Variants in DOCK1 observed in about 807,000 individuals in gnomAD.
DOCK1 encodes the protein dedicator of cytokinesis 1, also known as dedicator of cytokinesis protein 1.
DOCK1 carries 138 observed loss-of-function variants against 262.7 expected under a neutral mutation model. The ratio of observed to expected loss-of-function variants is 0.53; its 90% confidence interval spans 0.46 to 0.61. The LOEUF (loss-of-function observed/expected upper bound fraction) is 0.61. Ranked by LOEUF, DOCK1 falls within the 20% of genes least tolerant of loss-of-function variation. DOCK1 has a pLI of 0.00. For synonymous variants in DOCK1, 866 were observed against 867.4 expected (o/e 1.00, Z 0.03); for missense variants, 1,908 against 2,370.7 (o/e 0.80, Z 4.05).
rs149455358 is a variant in DOCK1 at position 127,234,614 on chromosome 10, T to A, written c.2848-13394T>A. On this transcript the variant is annotated intron_variant, in intron 27 of 51. Transcript: ENST00000623213. ...AAATTCAATGGAATTCCAATTTGAA[T>A]CCCAATAGGACCTTGTTTCAGACTC... is the stretch of plus-strand genomic sequence containing the variant. Among the ~76,000 whole-genome samples the A allele has an allele frequency of 3.9e-4, 60 of 152,180 alleles. No individual in the cohort carries two copies. The South Asian group carries it at 0.011, about 27-fold the overall frequency.
At chr10:127,214,619 G>T (rs1274775283) in intron 27 of DOCK1, among the ~76,000 whole-genome samples, 1 of 152,174 alleles carries the variant, frequency 6.6e-6, no homozygotes, top group Non-Finnish European at 1.5e-5. Context: ...GCCAGTGTTT[G>T]CTATTAGGAC....
chr10:127,062,195 T>G (rs1197670098), intron 23 of DOCK1, among the ~76,000 whole-genome samples: 1 of 152,170 alleles, frequency 6.6e-6, no homozygotes, highest in African/African-American at 2.4e-5. Flanking sequence ...CACCTCAGCC[T>G]CCCAAAGTGC....
chr10:127,223,882 G>A (rs2058535034), intron 27 of DOCK1, among the ~76,000 whole-genome samples: 1 of 152,160 alleles, frequency 6.6e-6, no homozygotes, highest in African/African-American at 2.4e-5. Flanking sequence ...GCTCAGGGTG[G>A]AGCTTGGTTA....
chr10:127,393,429 G>T (rs1253348295), intron 38 of DOCK1, among the ~76,000 whole-genome samples: 1 of 152,158 alleles, frequency 6.6e-6, no homozygotes, highest in Non-Finnish European at 1.5e-5. Flanking sequence ...CTCATTCACT[G>T]TTTGAAATGT....
intron 12 of DOCK1, among the ~76,000 whole-genome samples, chr10:127,016,759 AT>A (rs1446524678): frequency 6.6e-6 from 1 of 151,008 alleles, no homozygotes; most frequent in Non-Finnish European, 1.5e-5. Context: ...TAACACAGAT[AT>A]AAACACCACA....
At chr10:127,262,173 GGTGT>G (rs200011342) in intron 29 of DOCK1, among the ~76,000 whole-genome samples, 7 of 72,582 alleles carry the variant, frequency 9.6e-5, no homozygotes, top group African/African-American at 1.7e-4. Flanking sequence ...TGTGCATGTG[GGTGT>G]GTGTGTGTGT....
At chr10:127,367,293 A>T (rs2064973899) in intron 33 of DOCK1, among the ~76,000 whole-genome samples, 1 of 151,966 alleles carries the variant, frequency 6.6e-6, no homozygotes, top group Non-Finnish European at 1.5e-5. Flanking sequence ...TCCTGTCTCC[A>T]CTTGTGCAAG....
At chr10:126,910,001 T>A (rs1314123765) in intron 1 of DOCK1, among the ~76,000 whole-genome samples, 1 of 152,200 alleles carries the variant, frequency 6.6e-6, no homozygotes, top group Admixed American at 6.5e-5. Context: ...TCACATTAGC[T>A]CTAAGCAATG....
rs1169697987 is a variant in DOCK1 at position 127,102,933 on chromosome 10, C to T, written c.2446-3298C>T. Reference sequence around the variant, plus strand: ...ACAAAGGCATAATGCATTCATCCCACGGGAGGGCCCCTGAGCCCCCTGTAT... The same window carrying T: ...ACAAAGGCATAATGCATTCATCCCATGGGAGGGCCCCTGAGCCCCCTGTAT... On this transcript the variant is annotated intron_variant, in intron 23 of 51. Coordinates refer to ENST00000623213, the MANE Select transcript of DOCK1 (RefSeq NM_001290223.2). Among the ~76,000 whole-genome samples the T allele has an allele frequency of 3.3e-5, 5 of 152,196 alleles. No individual in the cohort carries two copies. The East Asian group carries it at 7.7e-4, about 23-fold the overall frequency.
chr10:127,299,986 G>C (rs945128031), intron 29 of DOCK1, among the ~76,000 whole-genome samples: 1 of 152,184 alleles, frequency 6.6e-6, no homozygotes, highest in Non-Finnish European at 1.5e-5. Context: ...TCCGGCCATT[G>C]AGAACTGACT....
At chr10:126,933,775 A>G (rs910285003) in intron 1 of DOCK1, among the ~76,000 whole-genome samples, 44 of 152,310 alleles carry the variant, frequency 2.9e-4, no homozygotes, top group African/African-American at 1.0e-3. Context: ...CCTCTCCAAC[A>G]TGAATTCTCC....
At chr10:127,076,505 A>G (rs933266846) in intron 23 of DOCK1, among the ~76,000 whole-genome samples, 1 of 152,304 alleles carries the variant, frequency 6.6e-6, no homozygotes. Context: ...TGTCTCAAAA[A>G]AGAAAAGAAA....
intron 29 of DOCK1, among the ~76,000 whole-genome samples, chr10:127,292,798 T>G (rs1328355447): frequency 6.6e-6 from 1 of 152,178 alleles, no homozygotes; most frequent in Non-Finnish European, 1.5e-5. Flanking sequence ...TAATGTTTTG[T>G]GCTTCCCGAG....
chr10:127,445,220 G>A (rs931863814), intron 50 of DOCK1, among the ~76,000 whole-genome samples: 34 of 152,162 alleles, frequency 2.2e-4, no homozygotes, highest in Non-Finnish European at 1.2e-4. Flanking sequence ...TGCTGAGGAT[G>A]GGGACGGCAG....
chr10:127,061,567 A>T, intron 22 of DOCK1, 101 bp from the exon 23 acceptor site: 1 of 996,570 alleles, frequency 1.0e-6, no homozygotes, highest in Non-Finnish European at 1.5e-6. Flanking sequence ...CTCTCATTCT[A>T]ACTTGTCACC....
intron 27 of DOCK1, among the ~76,000 whole-genome samples, chr10:127,237,216 C>T (rs377157007): frequency 4.0e-5 from 6 of 151,886 alleles, no homozygotes; most frequent in Admixed American, 1.3e-4. Context: ...AAAAATTAGC[C>T]GGGTATGGTG....
At chr10:127,020,537 C>G (rs1227419203) in intron 13 of DOCK1, among the ~76,000 whole-genome samples, 1 of 150,298 alleles carries the variant, frequency 6.7e-6, no homozygotes, top group Admixed American at 6.6e-5. Context: ...CACTGCACTC[C>G]AGCTTGAGTG....
chr10:127,322,110 G>GA lies in DOCK1; in HGVS notation c.3045-16887dup, dbSNP rs892827597. Among the ~76,000 whole-genome samples, 16 of 143,320 alleles carry GA rather than the reference G, an allele frequency of 1.1e-4. No homozygotes were observed. The South Asian group carries it at 1.4e-3, about 13-fold the overall frequency. 94.0% of individuals were successfully genotyped at this position (143,320 alleles called of 152,430 possible). A position where few individuals can be genotyped will look rare whatever the true frequency, so the allele number is the denominator to read the frequency against. ...AGAGCGAGACTCTGTCTCAGAAAAA[G>GA]AAAAAAAAAGAGAATGAATAATGAG... On this transcript the variant is annotated intron_variant, in intron 29 of 51. Coordinates refer to ENST00000623213, the MANE Select transcript of DOCK1 (RefSeq NM_001290223.2).
chr10:127,275,263 AAC>A (rs1491007456), intron 29 of DOCK1, among the ~76,000 whole-genome samples: 1 of 152,080 alleles, frequency 6.6e-6, no homozygotes, highest in African/African-American at 2.4e-5. Context: ...GAAAAAAAAA[AAC>A]ACAGGAGAGA....
Sources: gnomAD v4.1 joint callset for allele counts (sites outside exome capture counted in the v4.1 genomes callset) on GRCh38, gnomAD v4.1.1 for gene constraint, MANE v1.5 for transcripts, NCBI Gene and HGNC (gene_info 2026-07-23, HGNC 2026-07-21) for gene names.